The following MAML3 variants were observed in gnomAD, a reference collection of about 807,000 sequenced individuals.
The protein encoded by MAML3 is mastermind-like protein 3.
A neutral mutation model predicts 101.9 loss-of-function variants in MAML3; 27 were observed. The observed-to-expected ratio is 0.27, with a 90% CI of 0.20 to 0.37. The LOEUF is 0.37. Among genes scored for constraint, MAML3 ranks in the 10% least tolerant of loss-of-function variants. The pLI is 1.00. For missense variants in MAML3, 1,316 were observed against 1,444.9 expected (o/e 0.91, Z 1.45); for synonymous variants, 501 against 555.9 (o/e 0.90, Z 1.39).
rs1728664793 is a variant in MAML3 at position 139,730,597 on chromosome 4, C to T, written c.2150G>A (p.Gly717Asp). The T allele has an allele frequency of 1.2e-6, 2 of 1,610,734 alleles. No homozygotes were observed. Among genetic ancestry groups the T allele is most frequent in the Admixed American group, 1.7e-5 (1 of 59,616 alleles). Residue 717 changes from glycine (G) to aspartate (D), a missense_variant, in exon 3 of 5, where the codon GGC (glycine) becomes GAC (aspartate). Coordinates refer to ENST00000509479, the MANE Select transcript of MAML3 (RefSeq NM_018717.5). ...TGCGGGACTGGCTCCTGAGACCATG[C>T]CACCTGAGCCTGGGGGCACGGAGGA... ...MQSSVPPGSG[G>D]MVSGASPAGP...
At chr4:139,931,804 G>T (rs1432497965) in intron 1 of MAML3, among the ~76,000 whole-genome samples, 1 of 151,836 alleles carries the variant, frequency 6.6e-6, no homozygotes, top group Non-Finnish European at 1.5e-5. Context: ...GAGGTCAGGA[G>T]TTCAAGACCA....
chr4:139,720,111 C>G lies in MAML3; in HGVS notation c.2629G>C (p.Gly877Arg). 6.2e-7 allele frequency: 1 copy of G among 1,614,074 alleles called. No homozygotes were observed. The stretch of plus-strand genomic sequence containing the variant: ...GGATGCTGCAACATTTGGGTCATGC[C>G]TGTGCTCATATTGTACATTCCTGGT... ...SQPGMYNMST[G>R]MTQMLQHPNQ... The change falls in exon 5 of 5, where the codon GGC becomes CGC. Residue 877 changes from glycine (G) to arginine (R), a missense_variant. Physicochemically the swap from Gly to Arg is moderately radical, Grantham distance 125. Transcript: ENST00000509479.
chr4:139,864,015 G>A (rs1160207115), intron 2 of MAML3, among the ~76,000 whole-genome samples: 3 of 152,036 alleles, frequency 2.0e-5, no homozygotes, highest in African/African-American at 7.2e-5. Flanking sequence ...ATAATGATGT[G>A]ACAAATACAG....
chr4:139,746,237 T>C (rs1239772773), intron 2 of MAML3, among the ~76,000 whole-genome samples: 2 of 152,242 alleles, frequency 1.3e-5, no homozygotes, highest in Non-Finnish European at 2.9e-5. Context: ...TGGCATGTAT[T>C]CCACTAACCT....
At chr4:139,910,834 A>G (rs552507589) in intron 1 of MAML3, among the ~76,000 whole-genome samples, 3 of 152,324 alleles carry the variant, frequency 2.0e-5, no homozygotes, top group East Asian at 1.9e-4. Context: ...TGTGTGTTGG[A>G]AAGTCCGAGA....
At chr4:139,747,851 C>G (rs1195178352) in intron 2 of MAML3, among the ~76,000 whole-genome samples, 1 of 151,692 alleles carries the variant, frequency 6.6e-6, no homozygotes, top group South Asian at 2.1e-4. Context: ...GTTAGGAGTT[C>G]GACACAAGCC....
At chr4:140,086,962 C>T (rs1446503563) in intron 1 of MAML3, among the ~76,000 whole-genome samples, 3 of 152,140 alleles carry the variant, frequency 2.0e-5, no homozygotes, top group Non-Finnish European at 2.9e-5. Flanking sequence ...GAGTTCGAGA[C>T]CGGCATGGCC....
chr4:139,874,784 G>C (rs553543481), intron 2 of MAML3, among the ~76,000 whole-genome samples: 7 of 148,966 alleles, frequency 4.7e-5, no homozygotes, highest in Admixed American at 3.4e-4. Context: ...TATCTCTATT[G>C]ATTATCATCC....
intron 1 of MAML3, among the ~76,000 whole-genome samples, chr4:139,961,093 C>T (rs1178232689): frequency 1.3e-5 from 2 of 152,176 alleles, no homozygotes; most frequent in African/African-American, 4.8e-5. Context: ...CTCGACTGCA[C>T]TACCAGCTAA....
intron 1 of MAML3, among the ~76,000 whole-genome samples, chr4:139,901,535 A>G (rs1418092771): frequency 6.6e-6 from 1 of 152,226 alleles, no homozygotes; most frequent in Non-Finnish European, 1.5e-5. Context: ...ACCTTGCCTT[A>G]CAATCTGAAA....
At chr4:139,951,787 C>A (rs1733835731) in intron 1 of MAML3, among the ~76,000 whole-genome samples, 1 of 149,970 alleles carries the variant, frequency 6.7e-6, no homozygotes, top group Admixed American at 6.6e-5. Context: ...AAAAAAAGAT[C>A]CCAGAAAATT....
At chr4:139,937,517 G>A (rs1733530036) in intron 1 of MAML3, among the ~76,000 whole-genome samples, 1 of 151,914 alleles carries the variant, frequency 6.6e-6, no homozygotes, top group South Asian at 2.1e-4. Context: ...CTCCCGAGTA[G>A]CTGGGATTAC....
chr4:140,141,180 TGCTATGCCAAAGGGAAA>T lies in MAML3; in HGVS notation c.468+11663_468+11679del, dbSNP rs554168546. On this transcript the variant is annotated intron_variant, in intron 1 of 4. Transcript: ENST00000509479. ...TATTATTATCTTAGTGTAAGGGAGC[TGCTATGCCAAAGGGAAA>T]GCAAAATAACTAAGAACTCTGATGA... Among the ~76,000 whole-genome samples the T allele has an allele frequency of 1.2e-3, 190 of 152,304 alleles. 1 individual carries two copies. The highest frequency in any genetic ancestry group is 3.4e-3 in the Middle Eastern group (1 of 294).
intron 2 of MAML3, among the ~76,000 whole-genome samples, chr4:139,765,780 C>T (rs1235618050): frequency 2.0e-5 from 3 of 151,908 alleles, no homozygotes; most frequent in Admixed American, 6.6e-5. Context: ...TCCAGGAGTT[C>T]GAGACCATCC....
chr4:139,751,957 C>T (rs546802715), intron 2 of MAML3, among the ~76,000 whole-genome samples: 1 of 152,284 alleles, frequency 6.6e-6, no homozygotes, highest in East Asian at 1.9e-4. Context: ...AAAAGGAAGC[C>T]TGTATTGCAT....
chr4:139,993,592 G>A (rs1176912711), intron 1 of MAML3, among the ~76,000 whole-genome samples: 4 of 152,006 alleles, frequency 2.6e-5, no homozygotes, highest in South Asian at 2.1e-4. Flanking sequence ...TTGGGAGGCC[G>A]AGGAGGGTGG....
intron 1 of MAML3, among the ~76,000 whole-genome samples, chr4:140,021,901 C>T (rs916143195): frequency 1.3e-5 from 2 of 152,192 alleles, no homozygotes; most frequent in African/African-American, 4.8e-5. Flanking sequence ...TAGCACTTTT[C>T]TACGTGTCAG....
At chr4:139,854,069 C>T (rs1007597194) in intron 2 of MAML3, among the ~76,000 whole-genome samples, 18 of 151,934 alleles carry the variant, frequency 1.2e-4, no homozygotes, top group African/African-American at 2.4e-4. Context: ...GTGATCCGCC[C>T]GCCTCGTCCT....
At chr4:139,749,641 T>G (rs1222543480) in intron 2 of MAML3, among the ~76,000 whole-genome samples, 1 of 152,252 alleles carries the variant, frequency 6.6e-6, no homozygotes, top group Admixed American at 6.5e-5. Context: ...ACATTTGTGT[T>G]GCACAATTTG....
Sources: allele counts gnomAD v4.1 joint callset (sites outside exome capture counted in the v4.1 genomes callset), GRCh38; gene constraint gnomAD v4.1.1; transcripts MANE v1.5; gene names NCBI Gene and HGNC (gene_info 2026-07-23, HGNC 2026-07-21).